The following LMBR1 variants were observed in gnomAD, a reference collection of about 807,000 sequenced individuals.
LMBR1 encodes limb region 1 protein homolog.
A neutral mutation model predicts 73.9 loss-of-function variants in LMBR1; 52 were observed. That is an observed-to-expected ratio of 0.70 (90% CI 0.56 to 0.89). LMBR1 has a LOEUF of 0.89. LMBR1 is among the 40% of genes least tolerant of loss of function. The pLI, the probability that LMBR1 is intolerant of heterozygous loss-of-function variation, is 0.00. For missense variants in LMBR1, 539 were observed against 579.8 expected, an observed-to-expected ratio of 0.93 and a Z score of 0.72; for synonymous variants, 215 against 209.4, an observed-to-expected ratio of 1.03 and a Z score of -0.23.
chr7:156,810,186 A>G (rs1438549601), intron 4 of LMBR1, among the ~76,000 whole-genome samples: 1 of 152,194 alleles, frequency 6.6e-6, no homozygotes, highest in Non-Finnish European at 1.5e-5. Flanking sequence ...GCGAAAGGCG[A>G]AGGGGAGCTG....
intron 9 of LMBR1, among the ~76,000 whole-genome samples, chr7:156,737,973 T>C (rs955657784): frequency 6.6e-6 from 1 of 152,102 alleles, no homozygotes; most frequent in African/African-American, 2.4e-5. Flanking sequence ...AAGCACCAAA[T>C]TTTAACAACT....
intron 9 of LMBR1, among the ~76,000 whole-genome samples, chr7:156,752,928 G>A (rs565989096): frequency 6.0e-5 from 9 of 151,190 alleles, no homozygotes; most frequent in Non-Finnish European, 1.2e-4. Context: ...AACAGTCCAG[G>A]AATGTAAACT....
chr7:156,845,000 T>G (rs1168249522), intron 1 of LMBR1, among the ~76,000 whole-genome samples: 1 of 152,206 alleles, frequency 6.6e-6, no homozygotes, highest in Non-Finnish European at 1.5e-5. Flanking sequence ...AGCCTTTCAT[T>G]TAAGGCCTAT....
chr7:156,833,582 G>A (rs201417002), intron 3 of LMBR1, 171 bp downstream of exon 3: 3 of 208,668 alleles, frequency 1.4e-5, no homozygotes, highest in East Asian at 3.2e-4. Context: ...ATAGGAGATT[G>A]GATTATCCAC....
At chr7:156,771,356 G>T (rs1825145385) in intron 5 of LMBR1, among the ~76,000 whole-genome samples, 1 of 152,024 alleles carries the variant, frequency 6.6e-6, no homozygotes, top group East Asian at 1.9e-4. Context: ...ATAAAAAGAA[G>T]ATCCAAATAA....
At chr7:156,710,547 A>G (rs1348799964) in intron 15 of LMBR1, among the ~76,000 whole-genome samples, 1 of 152,230 alleles carries the variant, frequency 6.6e-6, no homozygotes, top group Non-Finnish European at 1.5e-5. Context: ...GTCAAAACTA[A>G]GAATAATTAG....
At chr7:156,818,477 G>T (rs1834269983) in intron 4 of LMBR1, among the ~76,000 whole-genome samples, 2 of 152,168 alleles carry the variant, frequency 1.3e-5, no homozygotes, top group Admixed American at 6.5e-5. Context: ...CTCAAAAACT[G>T]AAGAATTATT....
At chr7:156,743,513 A>C (rs567509442) in intron 9 of LMBR1, among the ~76,000 whole-genome samples, 1 of 152,210 alleles carries the variant, frequency 6.6e-6, no homozygotes, top group Non-Finnish European at 1.5e-5. Flanking sequence ...AGCAAACTTC[A>C]AAGAGGATTT....
intron 5 of LMBR1, among the ~76,000 whole-genome samples, chr7:156,779,339 C>T (rs1368332136): frequency 6.6e-6 from 1 of 152,156 alleles, no homozygotes; most frequent in Non-Finnish European, 1.5e-5. Flanking sequence ...ATTAGAAACA[C>T]CACTGAAATT....
In LMBR1 at chr7:156,687,963, A is replaced by G. The variant is rs1346631181; in HGVS notation, c.1387+67T>C. ...GGGAAACTAAATAGCTGAAGATGTA[A>G]TATTAACTCAAATGTCAAAATTATT... On this transcript the variant is annotated intron_variant, in intron 16 of 16. Transcript: ENST00000353442. 1.2e-5 allele frequency: 17 copies of G among 1,369,450 alleles called. No homozygotes were observed. The East Asian group carries it at 1.4e-4, about 12-fold the overall frequency. 84.8% of individuals were successfully genotyped at this position (1,369,450 alleles called of 1,614,324 possible).
At chr7:156,819,862 T>C (rs1834483724) in intron 4 of LMBR1, among the ~76,000 whole-genome samples, 1 of 152,108 alleles carries the variant, frequency 6.6e-6, no homozygotes, top group Admixed American at 6.5e-5. Context: ...ATTAATGGAA[T>C]GGAATGGCTA....
intron 1 of LMBR1, among the ~76,000 whole-genome samples, chr7:156,865,758 G>A (rs1798356494): frequency 6.6e-6 from 1 of 152,116 alleles, no homozygotes; most frequent in South Asian, 2.1e-4. Flanking sequence ...AGAACTAAGA[G>A]TCTAAAAACA....
At chr7:156,779,175 AT>A (rs1252719557) in intron 5 of LMBR1, among the ~76,000 whole-genome samples, 13 of 152,212 alleles carry the variant, frequency 8.5e-5, no homozygotes, top group African/African-American at 3.1e-4. Context: ...ATTATGTCAT[AT>A]ATCACCAGGA....
intron 5 of LMBR1, among the ~76,000 whole-genome samples, chr7:156,793,322 C>T (rs1829550862): frequency 1.3e-5 from 2 of 152,256 alleles, no homozygotes; most frequent in Admixed American, 6.5e-5. Flanking sequence ...GACTTAACGA[C>T]ACAATATTAG....
chr7:156,707,896 A>G (rs1811293071), intron 15 of LMBR1, among the ~76,000 whole-genome samples: 3 of 152,210 alleles, frequency 2.0e-5, no homozygotes, highest in African/African-American at 7.2e-5. Context: ...AGGTTAAGTT[A>G]TCCCTGTTCG....
intron 15 of LMBR1, among the ~76,000 whole-genome samples, chr7:156,704,117 A>G (rs988993477): frequency 1.3e-5 from 2 of 152,186 alleles, no homozygotes; most frequent in African/African-American, 2.4e-5. Context: ...ACCAGCATCC[A>G]GGAAAGCTAC....
intron 15 of LMBR1, among the ~76,000 whole-genome samples, chr7:156,714,097 C>T (rs1366036607): frequency 6.6e-6 from 1 of 152,184 alleles, no homozygotes; most frequent in Non-Finnish European, 1.5e-5. Flanking sequence ...TGTCTATATA[C>T]AAACAGTTAA....
chr7:156,812,960 G>T (rs1045070251), intron 4 of LMBR1, among the ~76,000 whole-genome samples: 10 of 152,132 alleles, frequency 6.6e-5, no homozygotes, highest in African/African-American at 1.7e-4. Flanking sequence ...CATCTCTGGG[G>T]ATTATTGTCC....
intron 4 of LMBR1, among the ~76,000 whole-genome samples, chr7:156,800,493 A>C (rs999085081): frequency 6.6e-6 from 1 of 151,790 alleles, no homozygotes. Context: ...AAAAAAAAAA[A>C]AAAAAAAGAT....
Sources: allele counts gnomAD v4.1 joint callset (sites outside exome capture counted in the v4.1 genomes callset), GRCh38; gene constraint gnomAD v4.1.1; transcripts MANE v1.5; gene names NCBI Gene and HGNC (gene_info 2026-07-23, HGNC 2026-07-21).